Variants in AOAH observed in about 807,000 individuals in gnomAD.
AOAH encodes the protein acyloxyacyl hydrolase (neutrophil).
AOAH carries 64 observed loss-of-function variants against 92.2 expected under a neutral mutation model. The observed-to-expected ratio is 0.69, with a 90% CI of 0.57 to 0.86. The LOEUF (loss-of-function observed/expected upper bound fraction) is 0.86. AOAH is among the 40% of genes least tolerant of loss of function. The pLI is 0.00. For missense variants in AOAH, 656 were observed against 694.6 expected, an observed-to-expected ratio of 0.94 and a Z score of 0.62; for synonymous variants, 263 against 254.5, an observed-to-expected ratio of 1.03 and a Z score of -0.32.
chr7:36,688,224 T>G (rs1466169887), intron 1 of AOAH, among the ~76,000 whole-genome samples: 1 of 152,214 alleles, frequency 6.6e-6, no homozygotes, highest in East Asian at 1.9e-4. Context: ...TGCATTTTCA[T>G]ATATATTTGT....
At chr7:36,613,677 C>A (rs980480957) in intron 11 of AOAH, among the ~76,000 whole-genome samples, 1 of 152,220 alleles carries the variant, frequency 6.6e-6, no homozygotes, top group African/African-American at 2.4e-5. Context: ...CACCATCCAA[C>A]TTGCAAGTCA....
Position 36,513,041 on chromosome 7 carries a change from G to C in AOAH, c.*211C>G. On this transcript the variant is annotated 3_prime_UTR_variant, in exon 21 of 21. Transcript: ENST00000617537. Reference sequence around the variant, plus strand: ...AGCACTTTATGAAAGGTTATTTCAGGAACAGCGGAAGGGTTACTGATCCCG... The same window carrying C: ...AGCACTTTATGAAAGGTTATTTCAGCAACAGCGGAAGGGTTACTGATCCCG... The C allele has an allele frequency of 6.5e-7, 1 of 1,537,248 alleles. No individual in the cohort carries two copies. The highest frequency in any genetic ancestry group is 8.7e-7 in the Non-Finnish European group (1 of 1,146,680).
chr7:36,616,831 G>A (rs567815480), intron 10 of AOAH, among the ~76,000 whole-genome samples: 10 of 152,144 alleles, frequency 6.6e-5, no homozygotes, highest in Non-Finnish European at 1.3e-4. Context: ...ACACACCAAC[G>A]TCCATTACAA....
intron 12 of AOAH, among the ~76,000 whole-genome samples, chr7:36,589,457 A>G (rs916656260): frequency 1.3e-5 from 2 of 152,224 alleles, no homozygotes; most frequent in African/African-American, 4.8e-5. Flanking sequence ...GTCTTGAGGT[A>G]CAGGCTAGTT....
intron 7 of AOAH, among the ~76,000 whole-genome samples, chr7:36,622,018 CAT>C (rs1204968648): frequency 2.0e-5 from 3 of 151,878 alleles, no homozygotes; most frequent in Non-Finnish European, 4.4e-5. Flanking sequence ...CATGTGTGTG[CAT>C]ATGTGAATGT....
At position 36,685,886 on chromosome 7, in the gene AOAH, G is replaced by C. The variant is rs115661870; in HGVS notation, c.223+813C>G. 6.3e-3 allele frequency among the ~76,000 whole-genome samples: 959 copies of C among 151,996 alleles called. 10 individuals are homozygous for C. Among genetic ancestry groups the C allele is most frequent in the African/African-American group, 0.022 (928 of 41,448 alleles). On this transcript the variant is annotated intron_variant, in intron 2 of 20. Transcript: ENST00000617537. ...TGTGAATGCATATTATGACTAAACGGAACAACTTCTCTGAAAAGACTTTGA... is the reference window on the plus strand; with the variant it reads ...TGTGAATGCATATTATGACTAAACGCAACAACTTCTCTGAAAAGACTTTGA...
intron 6 of AOAH, among the ~76,000 whole-genome samples, chr7:36,629,430 G>A (rs951554919): frequency 2.0e-5 from 3 of 152,106 alleles, no homozygotes; most frequent in African/African-American, 7.2e-5. Flanking sequence ...CAGGGGGCTC[G>A]ATTTAATGGG....
intron 1 of AOAH, among the ~76,000 whole-genome samples, chr7:36,689,750 CAT>C (rs1368619091): frequency 6.6e-6 from 1 of 152,186 alleles, no homozygotes; most frequent in Non-Finnish European, 1.5e-5. Flanking sequence ...TATATTTCTC[CAT>C]ATGTTTCTCA....
chr7:36,552,424 T>C (rs886991260), intron 13 of AOAH, among the ~76,000 whole-genome samples: 7 of 152,202 alleles, frequency 4.6e-5, no homozygotes, highest in Non-Finnish European at 8.8e-5. Context: ...TTTGGGTTGA[T>C]TTCATCTCTT....
At chr7:36,552,692 T>C (rs1554284855) in intron 13 of AOAH, among the ~76,000 whole-genome samples, 1 of 152,196 alleles carries the variant, frequency 6.6e-6, no homozygotes, top group Non-Finnish European at 1.5e-5. Context: ...TAATCGCTGC[T>C]CTGACTGTCA....
rs1794361717 is a variant in AOAH, at chr7:36,648,363, T to G, written c.391-10453A>C. On this transcript the variant is annotated intron_variant, in intron 4 of 20. Coordinates refer to ENST00000617537, the MANE Select transcript of AOAH (RefSeq NM_001637.4). ...GAAAGGATGAGCATTTTCTCCTAAA[T>G]TTTCAGTCCTTTGATATTTTTCCCT... 2.6e-5 allele frequency among the ~76,000 whole-genome samples: 4 copies of G among 152,188 alleles called. 1 individual carries two copies. In the South Asian group the frequency reaches 8.3e-4, roughly 32 times the overall value.
intron 4 of AOAH, among the ~76,000 whole-genome samples, chr7:36,644,520 G>A (rs1794109149): frequency 6.6e-6 from 1 of 152,078 alleles, no homozygotes; most frequent in South Asian, 2.1e-4. Context: ...TGACTACAGT[G>A]GTAAACATAC....
intron 19 of AOAH, among the ~76,000 whole-genome samples, chr7:36,524,128 C>G (rs1784260004): frequency 6.6e-6 from 1 of 152,066 alleles, no homozygotes; most frequent in Non-Finnish European, 1.5e-5. Context: ...CGTTTTGTCC[C>G]TTTTCCCACT....
intron 20 of AOAH, among the ~76,000 whole-genome samples, chr7:36,519,139 C>A (rs755090733): frequency 6.6e-5 from 10 of 152,214 alleles, no homozygotes; most frequent in African/African-American, 2.4e-4. Context: ...TTCTTTCTTG[C>A]TTGAGAACAT....
intron 16 of AOAH, among the ~76,000 whole-genome samples, chr7:36,538,451 T>C (rs1222826172): frequency 6.6e-6 from 1 of 152,176 alleles, no homozygotes; most frequent in African/African-American, 2.4e-5. Context: ...GTGAATTGCA[T>C]GGCATATCGG....
intron 2 of AOAH, among the ~76,000 whole-genome samples, chr7:36,676,881 A>G (rs891030590): frequency 6.6e-6 from 1 of 152,224 alleles, no homozygotes; most frequent in Admixed American, 6.5e-5. Context: ...AGCCACAGGC[A>G]AAAGAATGAA....
At chr7:36,620,676 G>GTCATAGAGTT in intron 9 of AOAH, 105 bp downstream of exon 9, 1 of 1,057,678 alleles carries the variant, frequency 9.5e-7, no homozygotes, top group Non-Finnish European at 1.4e-6. Context: ...AGTTGCTTTA[G>GTCATAGAGTT]GCTGTCATAG....
chr7:36,647,398 C>A (rs1050019820), intron 4 of AOAH, among the ~76,000 whole-genome samples: 4 of 152,184 alleles, frequency 2.6e-5, no homozygotes, highest in Non-Finnish European at 5.9e-5. Flanking sequence ...TCTTTTAGAA[C>A]CATTCCCAGT....
intron 20 of AOAH, among the ~76,000 whole-genome samples, chr7:36,515,807 A>C: frequency 8.6e-6 from 1 of 116,174 alleles, no homozygotes; most frequent in African/African-American, 3.4e-5. Flanking sequence ...CCCACACACC[A>C]CACCCCTTAC....
Sources: allele counts gnomAD v4.1 joint callset (sites outside exome capture counted in the v4.1 genomes callset), GRCh38; gene constraint gnomAD v4.1.1; transcripts MANE v1.5; gene names NCBI Gene and HGNC (gene_info 2026-07-23, HGNC 2026-07-21).